The following LRP1B variants were observed in gnomAD, a reference collection of about 807,000 sequenced individuals.
LRP1B encodes the protein LDL receptor related protein 1B.
LRP1B carries 217 observed loss-of-function variants against 556.6 expected under a neutral mutation model. The ratio of observed to expected loss-of-function variants is 0.39; its 90% confidence interval spans 0.35 to 0.44. The LOEUF (loss-of-function observed/expected upper bound fraction) is 0.44, where lower values mean the gene tolerates loss of function less well. LRP1B is among the 20% of genes least tolerant of loss of function. The pLI is 1.00. For missense variants in LRP1B, 5,053 were observed against 5,620.8 expected (o/e 0.90, Z 3.23); for synonymous variants, 2,047 against 1,865.8 (o/e 1.10, Z -2.50).
intron 31 of LRP1B, among the ~76,000 whole-genome samples, chr2:140,814,081 C>A (rs61480467): frequency 6.6e-6 from 1 of 151,932 alleles, no homozygotes; most frequent in African/African-American, 2.4e-5. Flanking sequence ...CTCATGCAAT[C>A]CTCCCATCTC....
chr2:142,052,788 G>A (rs1052231153), intron 1 of LRP1B, among the ~76,000 whole-genome samples: 1 of 151,216 alleles, frequency 6.6e-6, no homozygotes, highest in East Asian at 2.0e-4. Context: ...ACAAGTATGG[G>A]AATTTGCATG....
chr2:142,004,484 A>G (rs1702745507), intron 1 of LRP1B, among the ~76,000 whole-genome samples: 1 of 151,880 alleles, frequency 6.6e-6, no homozygotes, highest in Admixed American at 6.6e-5. Context: ...TATAACATAT[A>G]CAACATATAT....
chr2:140,327,792 T>C (rs1680569166), intron 79 of LRP1B, among the ~76,000 whole-genome samples: 1 of 152,064 alleles, frequency 6.6e-6, no homozygotes, highest in African/African-American at 2.4e-5. Context: ...AAGTGTCACA[T>C]ATTGCATTGT....
chr2:140,283,816 T>A (rs576954498), intron 84 of LRP1B, among the ~76,000 whole-genome samples: 2 of 151,816 alleles, frequency 1.3e-5, no homozygotes, highest in Non-Finnish European at 2.9e-5. Flanking sequence ...AATTTTTGTT[T>A]ATAAACAGTG....
intron 27 of LRP1B, among the ~76,000 whole-genome samples, chr2:140,864,900 G>A (rs1475273860): frequency 1.3e-5 from 2 of 151,962 alleles, no homozygotes; most frequent in African/African-American, 4.8e-5. Flanking sequence ...CACATTAATA[G>A]CTGAGACTCA....
At chr2:141,944,976 G>T (rs2105021762) in intron 1 of LRP1B, among the ~76,000 whole-genome samples, 1 of 152,202 alleles carries the variant, frequency 6.6e-6, no homozygotes, top group African/African-American at 2.4e-5. Flanking sequence ...CTTATTTTCA[G>T]ATTAATTTTT....
At chr2:140,323,496 T>A (rs1426113760) in intron 81 of LRP1B, among the ~76,000 whole-genome samples, 1 of 151,974 alleles carries the variant, frequency 6.6e-6, no homozygotes, top group Non-Finnish European at 1.5e-5. Flanking sequence ...TATTAACACC[T>A]AATGCTAAAT....
chr2:140,520,969 G>C (rs1214911288), intron 49 of LRP1B, among the ~76,000 whole-genome samples: 2 of 151,324 alleles, frequency 1.3e-5, no homozygotes. Context: ...AAAGCTTTAA[G>C]ACTGGTCCTT....
intron 2 of LRP1B, among the ~76,000 whole-genome samples, chr2:141,596,885 G>C (rs6708984): frequency 0.039 from 5,899 of 151,884 alleles, 158 homozygotes; most frequent in East Asian, 0.064. Flanking sequence ...ATGAATCCTA[G>C]GTAAAGGGGA....
At chr2:141,802,086 A>C (rs1326016413) in intron 2 of LRP1B, among the ~76,000 whole-genome samples, 1 of 152,108 alleles carries the variant, frequency 6.6e-6, no homozygotes, top group African/African-American at 2.4e-5. Flanking sequence ...CTGCTTGCTA[A>C]ATTCATGCTG....
Position 140,982,156 on chromosome 2 carries a change from T to G in LRP1B, c.2887+4A>C. The G allele has an allele frequency of 6.2e-7, 1 of 1,609,308 alleles. No individual in the cohort carries two copies. The highest frequency in any genetic ancestry group is 1.1e-5 in the South Asian group (1 of 90,982). On this transcript the variant is annotated splice_donor_region_variant and intron_variant, in intron 18 of 90. Coordinates refer to ENST00000389484, the MANE Select transcript of LRP1B (RefSeq NM_018557.3). ...AATAATAACATGTCTCACTCACAAC[T>G]TACCACAAGATGCCATTTCATCTGT...
chr2:140,644,619 C>T (rs186272675), intron 41 of LRP1B, among the ~76,000 whole-genome samples: 167 of 152,022 alleles, frequency 1.1e-3, no homozygotes, highest in African/African-American at 3.5e-3. Flanking sequence ...CATTATGCTG[C>T]CCAGGCAGGT....
chr2:141,910,996 C>CCA (rs1292221007), intron 1 of LRP1B, among the ~76,000 whole-genome samples: 1 of 151,876 alleles, frequency 6.6e-6, no homozygotes, highest in East Asian at 1.9e-4. Context: ...TAAAAATTCA[C>CCA]CACACACACA....
At chr2:141,676,220 G>A (rs908944861) in intron 2 of LRP1B, among the ~76,000 whole-genome samples, 1 of 151,960 alleles carries the variant, frequency 6.6e-6, no homozygotes, top group Non-Finnish European at 1.5e-5. Flanking sequence ...GGACACAGAG[G>A]CAGGAATCAT....
At chr2:141,007,727 G>A (rs1697619737) in intron 14 of LRP1B, among the ~76,000 whole-genome samples, 1 of 151,566 alleles carries the variant, frequency 6.6e-6, no homozygotes. Flanking sequence ...TAAACAGTCA[G>A]AAATAAGGAA....
rs1186334164 is a variant in LRP1B at position 141,593,579 on chromosome 2, G to T, written c.206-113046C>A. 1.2e-3 allele frequency among the ~76,000 whole-genome samples: 11 copies of T among 9,270 alleles called. 5 individuals carry two copies. Among genetic ancestry groups the T allele is most frequent in the African/African-American group, 1.3e-3 (11 of 8,772 alleles). 6.1% of individuals were successfully genotyped at this position (9,270 alleles called of 152,430 possible). On this transcript the variant is annotated intron_variant, in intron 2 of 90. Transcript: ENST00000389484. ...TAAAAATACAAAAAATTAGCCGGGC[G>T]CAGTGGCGGGCGCCTGTAGTCCCAG...
At chr2:141,490,634 CT>C (rs1400592511) in intron 2 of LRP1B, among the ~76,000 whole-genome samples, 1 of 151,994 alleles carries the variant, frequency 6.6e-6, no homozygotes, top group African/African-American at 2.4e-5. Context: ...GAGTGTGTTG[CT>C]TTCTGACCTT....
chr2:140,597,896 G>C lies in LRP1B; in HGVS notation c.7194+735C>G, dbSNP rs150701601. On this transcript the variant is annotated intron_variant, in intron 43 of 90. Coordinates refer to ENST00000389484, the MANE Select transcript of LRP1B (RefSeq NM_018557.3). ...ATTCCAGACCTTCTTCAGTGCAGTGGAGGCATGAGGAGCCTGAGGATCATT... is the reference window on the plus strand; with the variant it reads ...ATTCCAGACCTTCTTCAGTGCAGTGCAGGCATGAGGAGCCTGAGGATCATT... Among the ~76,000 whole-genome samples, 705 of 152,218 alleles carry C rather than the reference G, an allele frequency of 4.6e-3. 10 individuals carry two copies. The highest frequency in any genetic ancestry group is 0.016 in the African/African-American group (655 of 41,518).
At chr2:141,742,451 A>G (rs1455310796) in intron 2 of LRP1B, among the ~76,000 whole-genome samples, 2 of 151,878 alleles carry the variant, frequency 1.3e-5, no homozygotes, top group Non-Finnish European at 2.9e-5. Flanking sequence ...GCAGGGTATC[A>G]TCATTTTGGC....
Sources: allele counts gnomAD v4.1 joint callset (sites outside exome capture counted in the v4.1 genomes callset), GRCh38; gene constraint gnomAD v4.1.1; transcripts MANE v1.5; gene names NCBI Gene and HGNC (gene_info 2026-07-23, HGNC 2026-07-21).